Variants in ANK2 observed in about 807,000 individuals in gnomAD.
The protein encoded by ANK2 is ankyrin 2.
ANK2 carries 83 observed loss-of-function variants against 360.5 expected under a neutral mutation model. The observed-to-expected ratio is 0.23, with a 90% CI of 0.19 to 0.28. The LOEUF is 0.28. ANK2 is among the 10% of genes least tolerant of loss of function. ANK2 has a pLI of 1.00. For missense variants in ANK2, 4,201 were observed against 4,795.7 expected, an observed-to-expected ratio of 0.88 and a Z score of 3.66; for synonymous variants, 1,740 against 1,759.5, an observed-to-expected ratio of 0.99 and a Z score of 0.28.
intron 2 of ANK2, among the ~76,000 whole-genome samples, chr4:113,007,591 A>C (rs2053326051): frequency 6.6e-6 from 1 of 152,176 alleles, no homozygotes; most frequent in African/African-American, 2.4e-5. Context: ...AGAAAATATG[A>C]CTTACAACCA....
intron 2 of ANK2, among the ~76,000 whole-genome samples, chr4:112,982,846 G>A (rs2043528430): frequency 6.6e-6 from 1 of 152,118 alleles, no homozygotes; most frequent in African/African-American, 2.4e-5. Context: ...TATACATTTT[G>A]TGGCTCCTCC....
At chr4:112,793,083 A>G in the ANK2 span, among the ~76,000 whole-genome samples, 3 of 152,186 alleles carry the variant, frequency 2.0e-5, no homozygotes, top group African/African-American at 7.2e-5. Context: ...GAGAACCTCA[A>G]TTTATACTAT....
chr4:112,754,364 C>A, the ANK2 span, among the ~76,000 whole-genome samples: 12 of 151,362 alleles, frequency 7.9e-5, no homozygotes, highest in African/African-American at 2.7e-4. Context: ...ATATTTGCAC[C>A]GGATGATTTC....
chr4:113,159,630 A>T (rs776305741), intron 1 of ANK2, among the ~76,000 whole-genome samples: 6 of 151,170 alleles, frequency 4.0e-5, no homozygotes, highest in Non-Finnish European at 8.8e-5. Context: ...TTTTGTTGAG[A>T]TGGAGTCTCG....
rs376323883 is a variant in ANK2 at position 113,356,199 on chromosome 4, C to T, written c.7581C>T (p.Leu2527=). Residue 2527 remains leucine (L), a synonymous_variant, in exon 38 of 46, where the codon CTC becomes CTT. Transcript: ENST00000357077. The part of the protein sequence containing the change: ...AEDDSLEQTS[L]MESSGKSPLS... ...ATGACAGTCTTGAGCAGACATCGCT[C>T]ATGGAGAGCTCAGGGAAGAGCCCCC... 6.6e-5 allele frequency: 107 copies of T among 1,613,888 alleles called. No individual in the cohort carries two copies. Among genetic ancestry groups the T allele is most frequent in the Non-Finnish European group, 8.6e-5 (101 of 1,180,000 alleles).
At chr4:112,992,853 G>A (rs2047283807) in intron 2 of ANK2, among the ~76,000 whole-genome samples, 1 of 152,156 alleles carries the variant, frequency 6.6e-6, no homozygotes, top group Admixed American at 6.5e-5. Context: ...CAAAAATGCG[G>A]ATGCTTATTT....
chr4:112,795,251 G>T, the ANK2 span, among the ~76,000 whole-genome samples: 1 of 152,168 alleles, frequency 6.6e-6, no homozygotes, highest in African/African-American at 2.4e-5. Flanking sequence ...TCTAACTTCA[G>T]TGTAAATCCA....
intron 2 of ANK2, among the ~76,000 whole-genome samples, chr4:112,939,018 A>G (rs1312096528): frequency 6.6e-6 from 1 of 152,200 alleles, no homozygotes; most frequent in Non-Finnish European, 1.5e-5. Flanking sequence ...AAATTTTTTT[A>G]TAATTCATAT....
chr4:113,182,975 G>T (rs989773094), intron 2 of ANK2, among the ~76,000 whole-genome samples: 5 of 150,608 alleles, frequency 3.3e-5, no homozygotes, highest in African/African-American at 1.3e-4. Context: ...AGAGAGATGG[G>T]AGAATTACTG....
intron 1 of ANK2, among the ~76,000 whole-genome samples, chr4:112,870,512 C>G (rs903164167): frequency 6.6e-6 from 1 of 152,140 alleles, no homozygotes; most frequent in South Asian, 2.1e-4. Context: ...TCCAAATTCA[C>G]TTTTTTGCAT....
chr4:113,098,318 C>T (rs1243708191), intron 1 of ANK2, among the ~76,000 whole-genome samples: 1 of 151,614 alleles, frequency 6.6e-6, no homozygotes, highest in South Asian at 2.1e-4. Flanking sequence ...GTCAAACTAA[C>T]AAAGAAAAGA....
Position 113,355,013 on chromosome 4 carries a change from C to A in ANK2, c.6395C>A (p.Thr2132Asn), listed in dbSNP as rs776808389. 2 of 1,614,020 alleles carry A rather than the reference C, an allele frequency of 1.2e-6. No homozygotes were observed. The highest frequency in any genetic ancestry group is 1.7e-6 in the Non-Finnish European group (2 of 1,179,978). The change falls in exon 38 of 46, where the codon ACC (threonine) becomes AAC (asparagine). Residue 2132 changes from threonine (T) to asparagine (N), a missense_variant. Transcript: ENST00000357077. The stretch of plus-strand genomic sequence containing the variant: ...CTACAGATCAGCCCAGATAGGAAAA[C>A]CTCCACTGACTTCTCTGAGGTCATT... Reference protein sequence around the residue: ...MDLQISPDRKTSTDFSEVIKQ... With the variant: ...MDLQISPDRKNSTDFSEVIKQ...
intron 45 of ANK2, chr4:113,378,160 AGGAT>A (rs1248233774): frequency 3.1e-6 from 4 of 1,274,232 alleles, no homozygotes; most frequent in Non-Finnish European, 3.1e-6. Flanking sequence ...ATCCTGAAAG[AGGAT>A]GGATCAATAA....
chr4:113,020,022 C>T (rs1410356557), intron 2 of ANK2, among the ~76,000 whole-genome samples: 1 of 152,076 alleles, frequency 6.6e-6, no homozygotes, highest in Non-Finnish European at 1.5e-5. Context: ...ACTGGTTAGG[C>T]TTTTCAGGAT....
rs895777426 is a variant in ANK2 at position 112,829,884 on chromosome 4, G to A, written c.-40+11620G>A. On this transcript the variant is annotated intron_variant, in intron 1 of 30. Transcript: ENST00000503271. ...TGAGGCGGGAGAATGGCGTGAACCCGGGTGGTGGAGCTTGCAGTGAGTGGA... is the reference window on the plus strand; with the variant it reads ...TGAGGCGGGAGAATGGCGTGAACCCAGGTGGTGGAGCTTGCAGTGAGTGGA... Among the ~76,000 whole-genome samples, 28 of 152,194 alleles carry A rather than the reference G, an allele frequency of 1.8e-4. 1 individual carries two copies. The highest frequency in any genetic ancestry group is 5.9e-4 in the Admixed American group (9 of 15,280).
At chr4:112,776,282 A>G in the ANK2 span, among the ~76,000 whole-genome samples, 1 of 152,372 alleles carries the variant, frequency 6.6e-6, no homozygotes, top group African/African-American at 2.4e-5. Context: ...ATTCTCGTAT[A>G]GAAGTGAATA....
intron 2 of ANK2, among the ~76,000 whole-genome samples, chr4:113,186,477 C>G (rs936857823): frequency 2.0e-5 from 3 of 152,018 alleles, no homozygotes; most frequent in Non-Finnish European, 4.4e-5. Flanking sequence ...AAAAAAGATT[C>G]TAAACAGTTT....
rs2153943328 is a variant in ANK2, at chr4:113,333,194, A to G, written c.3365A>G (p.Asn1122Ser). The G allele has an allele frequency of 6.2e-7, 1 of 1,614,188 alleles. No individual in the cohort carries two copies. The highest frequency in any genetic ancestry group is 1.3e-5 in the African/African-American group (1 of 75,046). The change falls in exon 29 of 46, where the codon AAC becomes AGC. Residue 1122 changes from asparagine (N) to serine (S), a missense_variant. By Grantham distance (46) the Asn-to-Ser change is conservative. Around this residue, in one of 4 missense-constraint regions of ANK2, gnomAD observed 1,268 missense variants for 1,650.8 expected, o/e 0.77. Coordinates refer to ENST00000357077, the MANE Select transcript of ANK2 (RefSeq NM_001148.6). ...GAAGATGAATTGAATGAAATTCTTA[A>G]CGGCATGGATGAAGGTACTTTCAGA... ...YTEDELNEIL[N>S]GMDEVLDSPE...
At position 112,921,137 on chromosome 4, in the gene ANK2, T is replaced by G. The variant is rs552400655; in HGVS notation, c.21+16623T>G. 4.1e-5 allele frequency among the ~76,000 whole-genome samples: 6 copies of G among 146,774 alleles called. No homozygotes were observed. The South Asian group carries it at 1.3e-3, about 33-fold the overall frequency. On this transcript the variant is annotated intron_variant, in intron 2 of 30. Transcript: ENST00000503271. ...TGCGATCTCGGCTCAAACAATCCTCTCATCTCAGCCTTCCAAGTAGCTGGG... is the reference window on the plus strand; with the variant it reads ...TGCGATCTCGGCTCAAACAATCCTCGCATCTCAGCCTTCCAAGTAGCTGGG...
Sources: allele counts gnomAD v4.1 joint callset (sites outside exome capture counted in the v4.1 genomes callset), GRCh38; gene constraint gnomAD v4.1.1; regional missense constraint gnomAD v4.1.1; transcripts MANE v1.5; gene names NCBI Gene and HGNC (gene_info 2026-07-23, HGNC 2026-07-21).